ARHGEF3: variants seen among roughly 807,000 people sequenced by gnomAD.
ARHGEF3 encodes the protein 59.8 kDA protein.
In ARHGEF3, 28 loss-of-function variants were observed where a neutral mutation model predicts 63.2. The observed-to-expected ratio is 0.44, with a 90% confidence interval of 0.33 to 0.61. The LOEUF is 0.61. ARHGEF3 is among the 20% of genes least tolerant of loss of function. The pLI is 0.03. For synonymous variants in ARHGEF3, 266 were observed against 254.2 expected (o/e 1.05, Z -0.44); for missense variants, 533 against 659.3 (o/e 0.81, Z 2.10).
intron 1 of ARHGEF3, among the ~76,000 whole-genome samples, chr3:57,055,752 T>A (rs951205683): frequency 3.9e-5 from 6 of 152,150 alleles, no homozygotes; most frequent in African/African-American, 1.2e-4. Context: ...ATCTGTATCC[T>A]CCAGAAGCCT....
At chr3:57,075,395 T>C (rs1706165572) in intron 1 of ARHGEF3, 1 of 167,004 alleles carries the variant, frequency 6.0e-6, no homozygotes, top group African/African-American at 2.4e-5. Context: ...AGTAGCCCTC[T>C]CTCCCTAAAT....
intron 1 of ARHGEF3, among the ~76,000 whole-genome samples, chr3:56,795,912 A>G (rs2037336487): frequency 6.6e-6 from 1 of 151,872 alleles, no homozygotes; most frequent in African/African-American, 2.4e-5. Context: ...CTAGGACTAC[A>G]GGCGTGAGCC....
At chr3:56,968,076 T>TATAA (rs1700684137) in intron 2 of ARHGEF3, among the ~76,000 whole-genome samples, 1 of 57,284 alleles carries the variant, frequency 1.7e-5, no homozygotes, top group Non-Finnish European at 3.0e-5. Flanking sequence ...ATATAATATA[T>TATAA]TATATATTTA....
In ARHGEF3 at chr3:56,775,514, G is replaced by A. The variant is rs1006181484; in HGVS notation, c.97-1698C>T. 8.8e-5 allele frequency: 87 copies of A among 992,064 alleles called. 1 individual carries two copies. The South Asian group carries it at 3.0e-3, about 35-fold the overall frequency. The allele number at this position is 992,064 out of a possible 1,614,324, so 61.5% of individuals were successfully genotyped here. A position where few individuals can be genotyped will look rare whatever the true frequency, so the allele number is the denominator to read the frequency against. ...CTGGGTACCTCTCCAGCTTCTTAGC[G>A]TGCTAAGCTGAACAGACAGCAGAAA... On this transcript the variant is annotated intron_variant, in intron 1 of 9. Transcript: ENST00000296315.
At chr3:56,737,599 T>C (rs909253375) in intron 7 of ARHGEF3, among the ~76,000 whole-genome samples, 12 of 152,158 alleles carry the variant, frequency 7.9e-5, no homozygotes, top group Admixed American at 1.3e-4. Context: ...TTGTATTATA[T>C]ATAAAACTAA....
At chr3:56,791,009 C>G (rs1269437886) in intron 1 of ARHGEF3, among the ~76,000 whole-genome samples, 1 of 152,010 alleles carries the variant, frequency 6.6e-6, no homozygotes, top group African/African-American at 2.4e-5. Context: ...CTAATGGTAT[C>G]TACAGAAAGA....
chr3:56,823,369 C>T (rs954885), intron 4 of ARHGEF3, among the ~76,000 whole-genome samples: 28,600 of 152,086 alleles, frequency 0.19, 2,986 homozygotes, highest in East Asian at 0.36. Flanking sequence ...AAAGCAGGAG[C>T]CCCAATTCTC....
In ARHGEF3 at chr3:56,728,110, A is replaced by G. The variant is rs2032848360; in HGVS notation, c.*1160T>C. On this transcript the variant is annotated 3_prime_UTR_variant, in exon 10 of 10. Coordinates refer to ENST00000296315, the MANE Select transcript of ARHGEF3 (RefSeq NM_019555.3). ...CACTGTAAATCAAGGCTGGACAAAGAGGTTACTAATCTGGCTAGCTGATTC... is the reference window on the plus strand; with the variant it reads ...CACTGTAAATCAAGGCTGGACAAAGGGGTTACTAATCTGGCTAGCTGATTC... 1 of 152,650 alleles carries G rather than the reference A, an allele frequency of 6.6e-6. No individual in the cohort carries two copies. Among genetic ancestry groups the G allele is most frequent in the African/African-American group, 2.4e-5 (1 of 41,454 alleles). 9.5% of individuals were successfully genotyped at this position (152,650 alleles called of 1,614,324 possible). A position where few individuals can be genotyped will look rare whatever the true frequency, so the allele number is the denominator to read the frequency against.
intron 2 of ARHGEF3, among the ~76,000 whole-genome samples, chr3:57,003,188 G>A (rs1255102210): frequency 2.7e-5 from 4 of 150,734 alleles, no homozygotes; most frequent in Non-Finnish European, 5.9e-5. Flanking sequence ...GGCGGATCAC[G>A]AGGTCAAGAG....
At chr3:56,953,242 T>G (rs1699892566) in intron 3 of ARHGEF3, among the ~76,000 whole-genome samples, 1 of 152,364 alleles carries the variant, frequency 6.6e-6, no homozygotes, top group Admixed American at 6.5e-5. Context: ...CATTAGAGAC[T>G]CTGTCACTTT....
intron 2 of ARHGEF3, among the ~76,000 whole-genome samples, chr3:57,003,050 G>A (rs866469711): frequency 1.5e-4 from 23 of 151,696 alleles, no homozygotes; most frequent in African/African-American, 4.3e-4. Flanking sequence ...GATTACAGGC[G>A]TGAGCCACTG....
intron 3 of ARHGEF3, among the ~76,000 whole-genome samples, chr3:56,937,254 T>G (rs964434640): frequency 6.6e-6 from 1 of 152,212 alleles, no homozygotes; most frequent in Non-Finnish European, 1.5e-5. Flanking sequence ...ATTAGAATGT[T>G]GGAGAATTAT....
At chr3:56,830,248 T>C (rs954699154) in intron 4 of ARHGEF3, among the ~76,000 whole-genome samples, 5 of 152,028 alleles carry the variant, frequency 3.3e-5, no homozygotes, top group Non-Finnish European at 2.9e-5. Flanking sequence ...GGAGTGATGG[T>C]GGAGGTGGTG....
At chr3:56,986,004 A>G (rs1174510412) in intron 2 of ARHGEF3, among the ~76,000 whole-genome samples, 1 of 152,178 alleles carries the variant, frequency 6.6e-6, no homozygotes, top group East Asian at 1.9e-4. Context: ...GGCCTCAGAA[A>G]CTTACCAAAC....
At chr3:56,969,791 T>C (rs1700829249) in intron 2 of ARHGEF3, among the ~76,000 whole-genome samples, 1 of 149,586 alleles carries the variant, frequency 6.7e-6, no homozygotes, top group African/African-American at 2.4e-5. Context: ...AAAAGGTACA[T>C]ATGAAACGTT....
chr3:57,075,525 AAT>A lies in ARHGEF3; in HGVS notation c.-28+3699_-28+3700del, dbSNP rs58174459. On this transcript the variant is annotated intron_variant, in intron 1 of 12. Transcript: ENST00000338458. Reference sequence around the variant, plus strand: ...CTTCTTTTTTTAAGAAAAAAAAAAAAATGGGCCCGGCATGGTGGCTCATGCCT... The same window carrying A: ...CTTCTTTTTTTAAGAAAAAAAAAAAAGGGCCCGGCATGGTGGCTCATGCCT... 279 of 152,922 alleles carry A rather than the reference AAT, an allele frequency of 1.8e-3. 2 individuals are homozygous for A. Among genetic ancestry groups the A allele is most frequent in the African/African-American group, 6.2e-3 (256 of 41,046 alleles). The allele number at this position is 152,922 out of a possible 1,614,324, so 9.5% of individuals were successfully genotyped here. A position where few individuals can be genotyped will look rare whatever the true frequency, so the allele number is the denominator to read the frequency against.
At chr3:57,064,143 C>T (rs1200477786) in intron 1 of ARHGEF3, among the ~76,000 whole-genome samples, 1 of 152,030 alleles carries the variant, frequency 6.6e-6, no homozygotes, top group East Asian at 1.9e-4. Flanking sequence ...GTGGTGCATG[C>T]CTGTAGTCCC....
chr3:57,064,967 T>C (rs1467281919), intron 1 of ARHGEF3, among the ~76,000 whole-genome samples: 11 of 152,198 alleles, frequency 7.2e-5, no homozygotes, highest in African/African-American at 2.2e-4. Flanking sequence ...TGAGACACAA[T>C]AGAAGGCAAA....
At chr3:56,760,058 G>C (rs2035333117) in intron 2 of ARHGEF3, among the ~76,000 whole-genome samples, 1 of 152,128 alleles carries the variant, frequency 6.6e-6, no homozygotes, top group South Asian at 2.1e-4. Flanking sequence ...ATTGTTTCCA[G>C]TGTCTGGCTA....
Sources: allele counts gnomAD v4.1 joint callset (sites outside exome capture counted in the v4.1 genomes callset), GRCh38; gene constraint gnomAD v4.1.1; transcripts MANE v1.5; gene names NCBI Gene and HGNC (gene_info 2026-07-23, HGNC 2026-07-21).